Variants in UVSSA observed in about 807,000 individuals in gnomAD.
The protein encoded by UVSSA is UV stimulated scaffold protein A, also known as UV-stimulated scaffold protein A.
UVSSA carries 72 observed loss-of-function variants against 73.9 expected under a neutral mutation model. That is an observed-to-expected ratio of 0.97 (90% CI 0.81 to 1.19). UVSSA has a LOEUF of 1.19. Ranked by LOEUF, UVSSA falls within the 50% of genes most tolerant of loss-of-function variation. The pLI is 0.00. For synonymous variants in UVSSA, 454 were observed against 391.3 expected (o/e 1.16, Z -1.89); for missense variants, 1,150 against 965.0 (o/e 1.19, Z -2.54).
intron 2 of UVSSA, among the ~76,000 whole-genome samples, 185 bp from the exon 3 acceptor site, chr4:1,349,339 C>G (rs1714296405): frequency 6.6e-6 from 1 of 152,196 alleles, no homozygotes; most frequent in South Asian, 2.1e-4. Flanking sequence ...CAGGCAGGGG[C>G]TGGGGAGGTA....
intron 2 of UVSSA, among the ~76,000 whole-genome samples, chr4:1,348,602 A>ACGC (rs2109050458): frequency 6.6e-6 from 1 of 152,268 alleles, no homozygotes; most frequent in Admixed American, 6.5e-5. Flanking sequence ...TCCAAGGAAA[A>ACGC]CGCCGGAGGG....
intron 13 of UVSSA, 128 bp from the exon 14 acceptor site, chr4:1,385,740 G>A: frequency 1.1e-6 from 1 of 913,934 alleles, no homozygotes; most frequent in Non-Finnish European, 1.8e-6. Flanking sequence ...GCACCCACAG[G>A]CAGTCTGTCA....
chr4:1,360,056 G>A (rs1716395514), intron 7 of UVSSA, among the ~76,000 whole-genome samples: 1 of 152,230 alleles, frequency 6.6e-6, no homozygotes, highest in African/African-American at 2.4e-5. Flanking sequence ...ACCTAAATCA[G>A]CGCTGCTGGG....
chr4:1,374,058 C>A (rs1395287151), intron 8 of UVSSA, among the ~76,000 whole-genome samples: 1 of 152,196 alleles, frequency 6.6e-6, no homozygotes, highest in African/African-American at 2.4e-5. Flanking sequence ...GGACGCCTTG[C>A]TCGGTCCGTT....
intron 7 of UVSSA, among the ~76,000 whole-genome samples, chr4:1,363,345 T>A (rs1399943639): frequency 6.6e-6 from 1 of 152,126 alleles, no homozygotes; most frequent in Non-Finnish European, 1.5e-5. Context: ...AATGAACCAT[T>A]ATTTGGGGAG....
downstream of UVSSA, chr4:1,390,927 T>C (rs1720396085): frequency 6.5e-6 from 1 of 153,112 alleles, no homozygotes; most frequent in Admixed American, 6.5e-5. Flanking sequence ...CTGATTGGTT[T>C]GTAGTGTTGT....
intron 8 of UVSSA, among the ~76,000 whole-genome samples, chr4:1,373,729 A>T (rs972561374): frequency 6.6e-6 from 1 of 152,142 alleles, no homozygotes; most frequent in East Asian, 1.9e-4. Flanking sequence ...AGAAGAGACG[A>T]GGATGCTGAC....
Position 1,355,245 on chromosome 4 carries a change from G to A in UVSSA, c.1176G>A (p.Arg392=). ...AGCCTGAGGGAGGGGAAAGGCGCAG[G>A]GTGAGTGGGCAGGCGGCGAGCGGGA... ...DIEPEGGERR[R]TEALGDAEED... is the part of the protein sequence containing the mutation. Residue 392 remains arginine (R), a splice_region_variant and synonymous_variant, in exon 7 of 14, where the codon AGG becomes AGA. Coordinates refer to ENST00000389851, the MANE Select transcript of UVSSA (RefSeq NM_020894.4). 1.9e-6 allele frequency: 3 copies of A among 1,610,684 alleles called. No individual in the cohort carries two copies. The highest frequency in any genetic ancestry group is 2.5e-6 in the Non-Finnish European group (3 of 1,178,872).
intron 7 of UVSSA, among the ~76,000 whole-genome samples, chr4:1,365,114 C>T (rs1382852065): frequency 6.6e-6 from 1 of 152,220 alleles, no homozygotes; most frequent in Non-Finnish European, 1.5e-5. Flanking sequence ...ACCGTGTGGC[C>T]ATGTTACTGA....
At chr4:1,369,338 T>G (rs1358933394) in intron 8 of UVSSA, among the ~76,000 whole-genome samples, 1 of 152,146 alleles carries the variant, frequency 6.6e-6, no homozygotes, top group African/African-American at 2.4e-5. Flanking sequence ...CTGGCCCCAC[T>G]CAGCTTCACA....
chr4:1,365,144 G>A (rs1717146427), intron 7 of UVSSA, among the ~76,000 whole-genome samples: 1 of 152,236 alleles, frequency 6.6e-6, no homozygotes, highest in Non-Finnish European at 1.5e-5. Context: ...TCGCTACCCA[G>A]TGCACACAGA....
intron 8 of UVSSA, among the ~76,000 whole-genome samples, chr4:1,373,125 T>C (rs1161126037): frequency 6.6e-6 from 1 of 152,268 alleles, no homozygotes; most frequent in African/African-American, 2.4e-5. Flanking sequence ...AAAGTGACCT[T>C]CTAAGATCTT....
At chr4:1,346,190 T>C (rs543535912), upstream of UVSSA, among the ~76,000 whole-genome samples, 2 of 152,350 alleles carry the variant, frequency 1.3e-5, no homozygotes, top group African/African-American at 4.8e-5. Flanking sequence ...TCACACATCC[T>C]GAAACCCACC....
chr4:1,364,366 C>A (rs182974497), intron 7 of UVSSA, among the ~76,000 whole-genome samples: 105 of 151,552 alleles, frequency 6.9e-4, no homozygotes, highest in African/African-American at 2.5e-3. Context: ...GGCCCCGTGG[C>A]CTTGTGTGGC....
intron 8 of UVSSA, 140 bp downstream of exon 8, chr4:1,366,571 T>A: frequency 1.7e-6 from 1 of 605,434 alleles, no homozygotes; most frequent in East Asian, 2.9e-5. Flanking sequence ...AATGCTGCTT[T>A]TCCTGCTCAC....
intron 7 of UVSSA, among the ~76,000 whole-genome samples, chr4:1,355,510 C>T (rs966202587): frequency 2.6e-5 from 4 of 152,332 alleles, no homozygotes; most frequent in Non-Finnish European, 4.4e-5. Context: ...GTGCTGTGCG[C>T]GCCTCCAGGA....
At chr4:1,363,204 A>G (rs879269839) in intron 7 of UVSSA, among the ~76,000 whole-genome samples, 4 of 152,106 alleles carry the variant, frequency 2.6e-5, no homozygotes, top group Non-Finnish European at 5.9e-5. Context: ...CGGCTGCCTC[A>G]GAGGTGAAGG....
chr4:1,395,623 A>C (rs1428781108), exon 14 of UVSSA: 2 of 1,563,704 alleles, frequency 1.3e-6, no homozygotes, highest in African/African-American at 1.5e-5. Context: ...GCCCATGTGG[A>C]GTGCCCGCCT....
chr4:1,356,722 C>G (rs997919664), intron 7 of UVSSA: 2 of 152,332 alleles, frequency 1.3e-5, no homozygotes, highest in African/African-American at 4.8e-5. Flanking sequence ...TCACTGTTGC[C>G]TAGTGGGCTG....
Sources: gnomAD v4.1 joint callset for allele counts (sites outside exome capture counted in the v4.1 genomes callset) on GRCh38, gnomAD v4.1.1 for gene constraint, MANE v1.5 for transcripts, NCBI Gene and HGNC (gene_info 2026-07-23, HGNC 2026-07-21) for gene names.